The following PDZD2 variants were observed in gnomAD, a reference collection of about 807,000 sequenced individuals.
PDZD2 encodes PDZ domain-containing protein 2.
A neutral mutation model predicts 220.7 loss-of-function variants in PDZD2; 90 were observed. The ratio of observed to expected loss-of-function variants is 0.41; its 90% confidence interval spans 0.34 to 0.49. The LOEUF (loss-of-function observed/expected upper bound fraction) is 0.49. PDZD2 is among the 20% of genes least tolerant of loss of function. The pLI is 0.28. For missense variants in PDZD2, 3,174 were observed against 3,608.5 expected (o/e 0.88, Z 3.08); for synonymous variants, 1,375 against 1,450.5 (o/e 0.95, Z 1.18).
chr5:32,110,051 TTG>T lies in PDZD2; in HGVS notation c.*1917_*1918del, dbSNP rs1561635316. 2.0e-5 allele frequency: 3 copies of T among 150,010 alleles called. No individual in the cohort carries two copies. Among genetic ancestry groups the T allele is most frequent in the East Asian group, 1.9e-4 (1 of 5,198 alleles). The allele number at this position is 150,010 out of a possible 1,614,324, so 9.3% of individuals were successfully genotyped here. On this transcript the variant is annotated 3_prime_UTR_variant, in exon 25 of 25. Transcript: ENST00000438447. ...TGCATGCTTGATTGATAGATATTGA[TTG>T]ATTGTTTTTCAGTCTCTGGGGTCAG... is the stretch of plus-strand genomic sequence containing the variant.
intron 2 of PDZD2, among the ~76,000 whole-genome samples, chr5:31,938,872 T>G (rs1457892380): frequency 6.6e-6 from 1 of 152,204 alleles, no homozygotes; most frequent in Non-Finnish European, 1.5e-5. Flanking sequence ...CTGGTGACCT[T>G]GTTCATGTTT....
At chr5:31,755,361 G>A (rs1751246868) in intron 1 of PDZD2, among the ~76,000 whole-genome samples, 1 of 152,220 alleles carries the variant, frequency 6.6e-6, no homozygotes, top group Non-Finnish European at 1.5e-5. Flanking sequence ...CTTTGGGCTT[G>A]GAAGTCGGCA....
At chr5:31,800,590 C>A (rs1754334407) in intron 2 of PDZD2, among the ~76,000 whole-genome samples, 1 of 152,224 alleles carries the variant, frequency 6.6e-6, no homozygotes, top group Non-Finnish European at 1.5e-5. Context: ...TACAAAGACA[C>A]TCTTGTCAAG....
At chr5:31,916,665 A>G (rs976638374) in intron 2 of PDZD2, among the ~76,000 whole-genome samples, 16 of 60,054 alleles carry the variant, frequency 2.7e-4, no homozygotes, top group Admixed American at 1.0e-3. Flanking sequence ...TGTTTTCTTC[A>G]TGGATCCCTG....
rs1011782901 is a variant in PDZD2 at position 32,077,378 on chromosome 5, C to T, written c.3538-84C>T. 4.2e-6 allele frequency: 6 copies of T among 1,434,664 alleles called. No individual in the cohort carries two copies. In the African/African-American group the frequency reaches 8.4e-5, roughly 20 times the overall value. 88.9% of individuals were successfully genotyped at this position (1,434,664 alleles called of 1,614,324 possible). ...GCCCCTTTGCCTTTTCCTGAACTAG[C>T]TCTGCTCTCTATATATGATCTCATC... On this transcript the variant is annotated intron_variant, in intron 18 of 24. Transcript: ENST00000438447.
At chr5:31,980,826 C>T (rs1344021261) in intron 2 of PDZD2, among the ~76,000 whole-genome samples, 2 of 152,158 alleles carry the variant, frequency 1.3e-5, no homozygotes, top group African/African-American at 4.8e-5. Flanking sequence ...CTCTGTCGCC[C>T]AGGCTGGAGT....
chr5:31,733,589 C>G (rs1406914507), intron 1 of PDZD2, among the ~76,000 whole-genome samples: 1 of 152,182 alleles, frequency 6.6e-6, no homozygotes, highest in Non-Finnish European at 1.5e-5. Context: ...GAAAGAGGCA[C>G]ATGCTCTCAG....
intron 1 of PDZD2, among the ~76,000 whole-genome samples, chr5:31,656,973 A>T (rs1459132024): frequency 1.3e-5 from 2 of 152,162 alleles, no homozygotes; most frequent in African/African-American, 4.8e-5. Flanking sequence ...GAGAAGGAGG[A>T]GGGTTTAGAA....
intron 6 of PDZD2, among the ~76,000 whole-genome samples, chr5:32,011,967 T>C (rs1753354394): frequency 6.6e-6 from 1 of 152,198 alleles, no homozygotes; most frequent in African/African-American, 2.4e-5. Flanking sequence ...CTCCCTGTGC[T>C]CTGTGCTGGC....
chr5:31,851,231 C>T (rs140048252), intron 2 of PDZD2, among the ~76,000 whole-genome samples: 6 of 152,274 alleles, frequency 3.9e-5, no homozygotes, highest in African/African-American at 1.2e-4. Flanking sequence ...CCCCACCCCC[C>T]ACAACCCACC....
At chr5:31,861,825 G>C (rs180813323) in intron 2 of PDZD2, among the ~76,000 whole-genome samples, 460 of 152,268 alleles carry the variant, frequency 3.0e-3, no homozygotes, top group Non-Finnish European at 4.4e-3. Flanking sequence ...GAAGTGCTTG[G>C]TGGTGTCAGG....
intron 1 of PDZD2, among the ~76,000 whole-genome samples, chr5:31,648,688 A>G (rs1168538074): frequency 1.3e-5 from 2 of 148,982 alleles, no homozygotes; most frequent in East Asian, 4.0e-4. Flanking sequence ...TTTTTTTTTT[A>G]ATATAGCAAT....
intron 2 of PDZD2, 114 bp downstream of exon 2, chr5:31,799,838 G>C: frequency 1.4e-6 from 1 of 711,156 alleles, no homozygotes; most frequent in Non-Finnish European, 2.5e-6. Context: ...GATGGCATAA[G>C]AAATGTCTCA....
chr5:31,644,593 AG>A lies in PDZD2; in HGVS notation c.-361+5158del, dbSNP rs1454718590. On this transcript the variant is annotated intron_variant, in intron 1 of 24. Transcript: ENST00000438447. ...TTGTCTTTTAAGCCTCTCCAGCTCC[AG>A]GAAGAGGCCTACCCCCGGCCGTGGC... 2.6e-5 allele frequency among the ~76,000 whole-genome samples: 4 copies of A among 152,326 alleles called. 1 individual carries two copies. The South Asian group carries it at 6.2e-4, about 24-fold the overall frequency.
intron 2 of PDZD2, among the ~76,000 whole-genome samples, chr5:31,849,152 G>C (rs1482528814): frequency 1.3e-5 from 2 of 152,136 alleles, no homozygotes; most frequent in Admixed American, 1.3e-4. Context: ...AGTCAGTTTG[G>C]CCAATAAGCA....
At chr5:31,643,996 AT>A (rs1269378032) in intron 1 of PDZD2, among the ~76,000 whole-genome samples, 8 of 151,882 alleles carry the variant, frequency 5.3e-5, no homozygotes, top group African/African-American at 1.9e-4. Flanking sequence ...CTAATTTATT[AT>A]TTTTTAAAAA....
chr5:31,817,041 C>T (rs1318620010), intron 2 of PDZD2, among the ~76,000 whole-genome samples: 1 of 152,028 alleles, frequency 6.6e-6, no homozygotes, highest in East Asian at 1.9e-4. Context: ...AAAACATTAG[C>T]CGGGCATGGT....
At chr5:31,846,117 C>T (rs1757572322) in intron 2 of PDZD2, among the ~76,000 whole-genome samples, 1 of 152,060 alleles carries the variant, frequency 6.6e-6, no homozygotes, top group African/African-American at 2.4e-5. Context: ...GGGTTTGAAG[C>T]ATTTTGTTTG....
At chr5:32,039,661 C>T (rs1447596911) in intron 7 of PDZD2, among the ~76,000 whole-genome samples, 3 of 142,084 alleles carry the variant, frequency 2.1e-5, no homozygotes, top group Non-Finnish European at 4.6e-5. Flanking sequence ...AGGAAGTGAG[C>T]CTCTGCCTGG....
Sources: allele counts gnomAD v4.1 joint callset (sites outside exome capture counted in the v4.1 genomes callset), GRCh38; gene constraint gnomAD v4.1.1; transcripts MANE v1.5; gene names NCBI Gene and HGNC (gene_info 2026-07-23, HGNC 2026-07-21).